The following MAP4K1 variants were observed in gnomAD, a reference collection of about 807,000 sequenced individuals.
MAP4K1 encodes the protein MAPK/ERK kinase kinase kinase 1.
MAP4K1 carries 35 observed loss-of-function variants against 122.8 expected under a neutral mutation model. The ratio of observed to expected loss-of-function variants is 0.29; its 90% CI spans 0.22 to 0.38. The LOEUF (loss-of-function observed/expected upper bound fraction) is 0.38, where lower values mean the gene tolerates loss of function less well. Ranked by LOEUF, MAP4K1 falls within the 10% of genes least tolerant of loss-of-function variation. The probability of loss-of-function intolerance (pLI) is 1.00; values close to 1 mark genes in which losing one functional copy is unlikely to be tolerated. For missense variants in MAP4K1, 791 were observed against 1,072.6 expected (o/e 0.74, Z 3.67); for synonymous variants, 412 against 421.3 (o/e 0.98, Z 0.27).
At chr19:38,594,606 C>T (rs777945194) in intron 29 of MAP4K1, among the ~76,000 whole-genome samples, 1 of 151,808 alleles carries the variant, frequency 6.6e-6, no homozygotes, top group Non-Finnish European at 1.5e-5. Context: ...TGCCACTGCA[C>T]TCTGCCCTGG....
chr19:38,614,207 C>A, intron 6 of MAP4K1, 38 bp downstream of exon 6: 2 of 1,611,636 alleles, frequency 1.2e-6, no homozygotes, highest in Non-Finnish European at 1.7e-6. Flanking sequence ...ATCTCCTGGG[C>A]CCCACCCCCC....
chr19:38,616,779 T>C (rs2144748229), intron 3 of MAP4K1, among the ~76,000 whole-genome samples: 1 of 152,296 alleles, frequency 6.6e-6, no homozygotes, highest in South Asian at 2.1e-4. Flanking sequence ...GAGATCAATT[T>C]GGGGTACTCT....
At chr19:38,600,282 A>C (rs2144711326) in intron 20 of MAP4K1, 129 bp from the exon 21 acceptor site, 2 of 723,666 alleles carry the variant, frequency 2.8e-6, no homozygotes, top group Non-Finnish European at 4.7e-6. Context: ...CCAAACCAAT[A>C]CTCCCAGCCT....
intron 8 of MAP4K1, among the ~76,000 whole-genome samples, chr19:38,613,363 C>T (rs866356989): frequency 9.3e-4 from 134 of 144,322 alleles, no homozygotes; most frequent in African/African-American, 3.3e-3. Context: ...CATCTCTACA[C>T]AAATTTTAAA....
chr19:38,616,363 T>A, intron 3 of MAP4K1, 104 bp from the exon 4 acceptor site: 1 of 775,058 alleles, frequency 1.3e-6, no homozygotes, highest in Non-Finnish European at 2.1e-6. Flanking sequence ...ATAAGAACTT[T>A]AACGTAACAG....
Position 38,593,387 on chromosome 19 carries a change from C to T in MAP4K1, c.2341-50G>A, listed in dbSNP as rs779160881. On this transcript the variant is annotated intron_variant, in intron 29 of 30. Transcript: ENST00000396857. Reference sequence around the variant, plus strand: ...AGTGCCTGGAAGATACCTCCACTGTCACTACGAACATGGCTCCCTTAAAGA... The same window carrying T: ...AGTGCCTGGAAGATACCTCCACTGTTACTACGAACATGGCTCCCTTAAAGA... The T allele has an allele frequency of 4.0e-6, 6 of 1,505,700 alleles. No individual in the cohort carries two copies. The Admixed American group carries it at 9.4e-5, about 24-fold the overall frequency. 93.3% of individuals were successfully genotyped at this position (1,505,700 alleles called of 1,614,324 possible).
chr19:38,611,045 G>A lies in MAP4K1; in HGVS notation c.810+6C>T, dbSNP rs748950440. On this transcript the variant is annotated splice_donor_region_variant and intron_variant, in intron 11 of 30. Coordinates refer to ENST00000396857, the MANE Select transcript of MAP4K1 (RefSeq NM_001042600.3). ...AGGCTGAGGATCTTGGGGAAGGGAG[G>A]GTTACACTGAGCATCTTGGTGGCGC... is the stretch of plus-strand genomic sequence containing the variant. The A allele has an allele frequency of 5.6e-6, 9 of 1,609,192 alleles. No homozygotes were observed. The East Asian group carries it at 2.0e-4, about 36-fold the overall frequency.
At position 38,610,004 on chromosome 19, in the gene MAP4K1, C is replaced by T; in HGVS notation, c.832G>A (p.Gly278Arg). ...MLSHQLVSQP[G>R]LNRGLILDLL... ...TCCAGGATCAGGCCTCGATTCAGCC[C>T]AGGCTGGGATACCAGTTGATGCTGG... is the stretch of plus-strand genomic sequence containing the variant. Residue 278 changes from glycine to arginine, a missense_variant, in exon 12 of 31, where the codon GGG (glycine) becomes AGG (arginine). Around this residue, in one of 4 missense-constraint regions of MAP4K1, gnomAD observed 303 missense variants for 344.8 expected, o/e 0.88. Transcript: ENST00000396857. 6.2e-7 allele frequency: 1 copy of T among 1,614,060 alleles called. No homozygotes were observed. Among genetic ancestry groups the T allele is most frequent in the Non-Finnish European group, 8.5e-7 (1 of 1,179,934 alleles).
At chr19:38,593,393 G>T in intron 29 of MAP4K1, 56 bp from the exon 30 acceptor site, 1 of 1,483,946 alleles carries the variant, frequency 6.7e-7, no homozygotes, top group South Asian at 1.2e-5. Context: ...CTGTCACTAC[G>T]AACATGGCTC....
At chr19:38,588,831 A>C (rs2145925430) in intron 30 of MAP4K1, among the ~76,000 whole-genome samples, 1 of 151,936 alleles carries the variant, frequency 6.6e-6, no homozygotes, top group South Asian at 2.1e-4. Context: ...AGGCAGGAGG[A>C]TCGATTGAAC....
intron 19 of MAP4K1, among the ~76,000 whole-genome samples, chr19:38,604,852 C>T (rs1323977097): frequency 2.6e-5 from 4 of 151,204 alleles, no homozygotes; most frequent in Admixed American, 6.6e-5. Flanking sequence ...TTTGGGAGGC[C>T]GAGGCAGGTG....
chr19:38,596,255 G>T (rs965479457), intron 26 of MAP4K1, 57 bp downstream of exon 26: 10 of 1,485,074 alleles, frequency 6.7e-6, no homozygotes, highest in Non-Finnish European at 9.0e-6. Flanking sequence ...CCCGCCTCCA[G>T]CTCCGCCCCT....
In MAP4K1 at chr19:38,608,002, C is replaced by T. The variant is rs949917797; in HGVS notation, c.1097G>A (p.Ser366Asn). The change falls in exon 15 of 31, where the codon AGC (serine) becomes AAC (asparagine). Residue 366 changes from serine to asparagine, a missense_variant. Transcript: ENST00000396857. ...TGGGGTCCCTGACCTGGGGCTGCTG[C>T]TCCTGAGGTCTCGAGGAGGCTGTAG... ...ARLQPPRDLRSSSPRKQLSES... is the reference protein window; with the variant it reads ...ARLQPPRDLRNSSPRKQLSES... 1.2e-6 allele frequency: 2 copies of T among 1,610,678 alleles called. No homozygotes were observed. The highest frequency in any genetic ancestry group is 2.7e-5 in the African/African-American group (2 of 74,806).
intron 11 of MAP4K1, among the ~76,000 whole-genome samples, chr19:38,610,767 T>A (rs1413998586): frequency 6.6e-6 from 1 of 152,112 alleles, no homozygotes; most frequent in Non-Finnish European, 1.5e-5. Flanking sequence ...TCCAGAGTTG[T>A]CTTGGAAGAG....
At chr19:38,587,990 A>G (rs565240374) in intron 30 of MAP4K1, among the ~76,000 whole-genome samples, 173 bp from the exon 31 acceptor site, 1 of 152,350 alleles carries the variant, frequency 6.6e-6, no homozygotes, top group Non-Finnish European at 1.5e-5. Context: ...GGAGATCAAC[A>G]TGAATCAGTG....
At position 38,597,005 on chromosome 19, in the gene MAP4K1, A is replaced by G. The variant is rs772355810; in HGVS notation, c.1941+29T>C. On this transcript the variant is annotated intron_variant, in intron 25 of 30. Transcript: ENST00000396857. The surrounding 1 kb of genome is among the most constrained non-coding windows in gnomAD (Gnocchi z 4.6). Reference sequence around the variant, plus strand: ...AAGGCCTTAGCCACCCACTCCTCAGAGTTCCCAGCACCCTCCCAAGCCCCT... The same window carrying G: ...AAGGCCTTAGCCACCCACTCCTCAGGGTTCCCAGCACCCTCCCAAGCCCCT... 9 of 1,605,168 alleles carry G rather than the reference A, an allele frequency of 5.6e-6. No homozygotes were observed. In the South Asian group the frequency reaches 7.7e-5, roughly 14 times the overall value.
At chr19:38,590,078 C>T (rs1306786629) in intron 30 of MAP4K1, among the ~76,000 whole-genome samples, 7 of 151,528 alleles carry the variant, frequency 4.6e-5, no homozygotes, top group Admixed American at 6.6e-5. Flanking sequence ...GTGGAGAGAA[C>T]TGGCTGATTC....
chr19:38,609,164 C>T (rs527736962), intron 13 of MAP4K1, among the ~76,000 whole-genome samples: 3 of 152,022 alleles, frequency 2.0e-5, no homozygotes, highest in Non-Finnish European at 2.9e-5. Context: ...GAGACGGTCT[C>T]GCTCTTGTCA....
intron 8 of MAP4K1, 76 bp downstream of exon 8, chr19:38,613,804 A>G (rs1281222304): frequency 6.9e-6 from 8 of 1,162,234 alleles, no homozygotes; most frequent in Non-Finnish European, 1.0e-5. Flanking sequence ...GCCAGGAAAG[A>G]GGATCCCGGG....
Sources: gnomAD v4.1 joint callset for allele counts (sites outside exome capture counted in the v4.1 genomes callset) on GRCh38, gnomAD v4.1.1 for gene constraint, gnomAD v4.1.1 regional missense constraint, Gnocchi (gnomAD v3.1) non-coding constraint, MANE v1.5 for transcripts, NCBI Gene and HGNC (gene_info 2026-07-23, HGNC 2026-07-21) for gene names.